Variants in ZRANB3 observed in about 807,000 individuals in gnomAD.
The protein encoded by ZRANB3 is DNA annealing helicase and endonuclease ZRANB3.
Under a neutral mutation model 133.8 loss-of-function variants are expected in ZRANB3, and 125 were observed. The observed-to-expected ratio is 0.93, with a 90% CI of 0.81 to 1.08. ZRANB3 has a LOEUF of 1.08. Among genes scored for constraint, ZRANB3 ranks in the 50% least tolerant of loss-of-function variants. The probability of loss-of-function intolerance (pLI) is 0.00; values close to 1 mark genes in which losing one functional copy is unlikely to be tolerated. For synonymous variants in ZRANB3, 387 were observed against 432.7 expected (o/e 0.89, Z 1.31); for missense variants, 1,229 against 1,275.5 (o/e 0.96, Z 0.56).
chr2:135,260,425 G>T (rs1004521862), intron 12 of ZRANB3, among the ~76,000 whole-genome samples: 1 of 151,922 alleles, frequency 6.6e-6, no homozygotes, highest in African/African-American at 2.4e-5. Flanking sequence ...ACTTGAGTTG[G>T]ACTTCAATTT....
At chr2:135,239,683 G>A (rs1038527623) in intron 12 of ZRANB3, among the ~76,000 whole-genome samples, 13 of 152,226 alleles carry the variant, frequency 8.5e-5, no homozygotes, top group South Asian at 2.1e-4. Flanking sequence ...AAAACAATGC[G>A]TGAGGGAAAT....
At chr2:135,207,167 A>AAAAT (rs746033281) in intron 19 of ZRANB3, among the ~76,000 whole-genome samples, 1,506 of 148,224 alleles carry the variant, frequency 0.01, 13 homozygotes, top group Admixed American at 0.019. Context: ...CTCTGTCTCC[A>AAAAT]AAATAAATAA....
At chr2:135,520,027 C>T (rs1053003111) in intron 1 of ZRANB3, among the ~76,000 whole-genome samples, 2 of 151,848 alleles carry the variant, frequency 1.3e-5, no homozygotes, top group Admixed American at 1.3e-4. Flanking sequence ...TTCATCTTAC[C>T]GGACCTATCA....
rs369548563 is a variant in ZRANB3, at chr2:135,342,330, G to A, written c.677+3220C>T. ...TGGGATTATAGGCGTGAGCCACCAC[G>A]CCTGGCCGACAACTGACTTTTTAAT... is the stretch of plus-strand genomic sequence containing the variant. On this transcript the variant is annotated intron_variant, in intron 6 of 20. Transcript: ENST00000264159. 4.7e-5 allele frequency among the ~76,000 whole-genome samples: 7 copies of A among 150,150 alleles called. No individual in the cohort carries two copies. In the East Asian group the frequency reaches 5.8e-4, roughly 12 times the overall value.
At chr2:135,403,213 G>T (rs566327196) in intron 2 of ZRANB3, among the ~76,000 whole-genome samples, 3 of 152,138 alleles carry the variant, frequency 2.0e-5, no homozygotes, top group Non-Finnish European at 2.9e-5. Context: ...GTCAAACAAA[G>T]GGGTGACAGA....
chr2:135,381,875 A>C (rs1686716998), intron 3 of ZRANB3, among the ~76,000 whole-genome samples: 1 of 152,198 alleles, frequency 6.6e-6, no homozygotes, highest in Admixed American at 6.5e-5. Context: ...AAGGTAGATA[A>C]AACCACAAAG....
intron 2 of ZRANB3, among the ~76,000 whole-genome samples, chr2:135,422,039 T>C (rs1688876949): frequency 6.6e-6 from 1 of 152,128 alleles, no homozygotes; most frequent in Non-Finnish European, 1.5e-5. Context: ...TTTTTATTCA[T>C]TGTCTTGGAT....
At chr2:135,332,387 T>G (rs1160593632) in intron 6 of ZRANB3, among the ~76,000 whole-genome samples, 1 of 152,120 alleles carries the variant, frequency 6.6e-6, no homozygotes, top group Admixed American at 6.6e-5. Context: ...GTTTTCAAAT[T>G]CCTGTAGGCT....
At chr2:135,436,136 A>T (rs1689523491) in intron 2 of ZRANB3, among the ~76,000 whole-genome samples, 1 of 152,116 alleles carries the variant, frequency 6.6e-6, no homozygotes, top group African/African-American at 2.4e-5. Flanking sequence ...TGAGTCTTTA[A>T]TCTGCCTTGA....
At chr2:135,349,938 A>AC in intron 5 of ZRANB3, 46 bp downstream of exon 5, 3 of 1,563,796 alleles carry the variant, frequency 1.9e-6, no homozygotes, top group South Asian at 2.2e-5. Flanking sequence ...TACGCCTCCC[A>AC]CCCCCCTTCT....
chr2:135,253,265 G>A (rs1312906145), intron 12 of ZRANB3, among the ~76,000 whole-genome samples: 4 of 152,166 alleles, frequency 2.6e-5, no homozygotes, highest in Non-Finnish European at 5.9e-5. Context: ...TGCTCACAGT[G>A]GAAGCAGAAA....
At chr2:135,450,223 G>A (rs184045809) in intron 2 of ZRANB3, among the ~76,000 whole-genome samples, 4 of 149,604 alleles carry the variant, frequency 2.7e-5, no homozygotes, top group East Asian at 2.0e-4. Context: ...CCGAGATGAC[G>A]CCACTGCACT....
intron 15 of ZRANB3, among the ~76,000 whole-genome samples, chr2:135,223,330 AT>A (rs1317540635): frequency 2.8e-3 from 401 of 144,326 alleles, no homozygotes; most frequent in Middle Eastern, 3.5e-3. Flanking sequence ...TGAAAAAAAC[AT>A]TTTTTTTTTT....
At chr2:135,367,326 C>T (rs947096560) in intron 3 of ZRANB3, among the ~76,000 whole-genome samples, 1 of 152,168 alleles carries the variant, frequency 6.6e-6, no homozygotes, top group African/African-American at 2.4e-5. Context: ...GCAGCCACGT[C>T]CCCGTGTAGA....
intron 2 of ZRANB3, among the ~76,000 whole-genome samples, chr2:135,457,897 C>G (rs1336570061): frequency 6.6e-6 from 1 of 152,032 alleles, no homozygotes; most frequent in African/African-American, 2.4e-5. Context: ...CTTTAAAGCA[C>G]AGAAGTTTCT....
chr2:135,386,882 C>A (rs1304094144), intron 3 of ZRANB3, among the ~76,000 whole-genome samples: 1 of 151,578 alleles, frequency 6.6e-6, no homozygotes, highest in Non-Finnish European at 1.5e-5. Context: ...AGGAGAAATA[C>A]CTAATGTAAA....
At chr2:135,297,350 C>T (rs1464717230) in intron 8 of ZRANB3, among the ~76,000 whole-genome samples, 1 of 152,224 alleles carries the variant, frequency 6.6e-6, no homozygotes, top group East Asian at 1.9e-4. Context: ...ATGAGCAAGG[C>T]TCAGTGGGCA....
At position 135,393,889 on chromosome 2, in the gene ZRANB3, ACT is replaced by A. The variant is rs1574029701; in HGVS notation, c.162-3071_162-3070del. On this transcript the variant is annotated intron_variant, in intron 2 of 20. Coordinates refer to ENST00000264159, the MANE Select transcript of ZRANB3 (RefSeq NM_032143.4). ...ACCTTTTTTTTTTAGATGGAGTCTC[ACT>A]CTGTTTTCCTGGCTGGAGTGCAACG... Among the ~76,000 whole-genome samples the A allele has an allele frequency of 2.0e-5, 3 of 152,056 alleles. No individual in the cohort carries two copies. The South Asian group carries it at 6.2e-4, about 32-fold the overall frequency.
intron 6 of ZRANB3, among the ~76,000 whole-genome samples, chr2:135,319,004 A>C (rs1388562427): frequency 6.6e-6 from 1 of 152,234 alleles, no homozygotes; most frequent in Non-Finnish European, 1.5e-5. Flanking sequence ...CATGAATATA[A>C]TTCATGCATT....
Sources: allele counts gnomAD v4.1 joint callset (sites outside exome capture counted in the v4.1 genomes callset), GRCh38; gene constraint gnomAD v4.1.1; transcripts MANE v1.5; gene names NCBI Gene and HGNC (gene_info 2026-07-23, HGNC 2026-07-21).